The following ATP2C2 variants were observed in gnomAD, a reference collection of about 807,000 sequenced individuals.
ATP2C2 encodes ATPase secretory pathway Ca2+ transporting 2, also known as calcium-transporting ATPase type 2C member 2.
In ATP2C2, 171 loss-of-function variants were observed where a neutral mutation model predicts 110.8. The observed-to-expected ratio is 1.54, with a 90% CI of 1.36 to 1.75. ATP2C2 has a LOEUF of 1.75. ATP2C2 is among the 40% of genes most tolerant of loss of function. The pLI is 0.00. For missense variants in ATP2C2, 1,963 were observed against 1,235.0 expected (o/e 1.59, Z -8.84); for synonymous variants, 804 against 508.4 (o/e 1.58, Z -7.82).
intron 23 of ATP2C2, chr16:84,460,175 G>T (rs1047686405): frequency 4.9e-6 from 1 of 205,746 alleles, no homozygotes; most frequent in East Asian, 1.3e-4. Flanking sequence ...CAGGAAGCTG[G>T]CCTCAGCTGT....
chr16:84,389,987 T>A (rs578240653), intron 1 of ATP2C2, among the ~76,000 whole-genome samples: 6 of 152,120 alleles, frequency 3.9e-5, no homozygotes, highest in Non-Finnish European at 2.9e-5. Flanking sequence ...TCTCCCAAAG[T>A]GCTGGGATTA....
At chr16:84,385,548 A>G (rs1052873559) in intron 1 of ATP2C2, among the ~76,000 whole-genome samples, 61 of 152,200 alleles carry the variant, frequency 4.0e-4, no homozygotes, top group African/African-American at 1.5e-3. Context: ...TGATATCAGT[A>G]GGAATGCAAG....
chr16:84,425,700 A>T lies in ATP2C2; in HGVS notation c.920-35A>T. On this transcript the variant is annotated intron_variant, in intron 10 of 26. Coordinates refer to ENST00000262429, the MANE Select transcript of ATP2C2 (RefSeq NM_014861.4). ...CTCCAGGCATCAGCGTGTGTAGTGCATATGGAGATAAGGATGTTTTTGTCT... is the reference window on the plus strand; with the variant it reads ...CTCCAGGCATCAGCGTGTGTAGTGCTTATGGAGATAAGGATGTTTTTGTCT... 4.4e-6 allele frequency: 7 copies of T among 1,605,348 alleles called. No homozygotes were observed. In the Admixed American group the frequency reaches 5.0e-5, roughly 11 times the overall value.
At chr16:84,378,398 T>C (rs1309780093) in intron 1 of ATP2C2, among the ~76,000 whole-genome samples, 3 of 152,068 alleles carry the variant, frequency 2.0e-5, no homozygotes, top group South Asian at 2.1e-4. Flanking sequence ...AGTGGAGGTG[T>C]TGGGTGCAAG....
chr16:84,442,850 C>T (rs1431178078), intron 15 of ATP2C2, among the ~76,000 whole-genome samples: 1 of 152,170 alleles, frequency 6.6e-6, no homozygotes, highest in East Asian at 1.9e-4. Context: ...CTATGAGCTT[C>T]CCTGTGGTTC....
chr16:84,440,807 A>T, intron 13 of ATP2C2, 50 bp from the exon 14 acceptor site: 1 of 1,422,150 alleles, frequency 7.0e-7, no homozygotes, highest in Non-Finnish European at 9.8e-7. Flanking sequence ...CAACTGGGGG[A>T]GCATGTTTTT....
At chr16:84,377,087 C>T (rs900955405) in intron 1 of ATP2C2, among the ~76,000 whole-genome samples, 5 of 152,068 alleles carry the variant, frequency 3.3e-5, no homozygotes, top group African/African-American at 7.2e-5. Context: ...TAGTGGAAGT[C>T]GTGTGCTAAG....
Position 84,439,578 on chromosome 16 carries a change from C to G in ATP2C2, c.1209+54C>G. ...AAGGATGCACCCAGCCAGGCTGTCT[C>G]CTTTCTAAACTAAGCACACAATGTC... On this transcript the variant is annotated intron_variant, in intron 13 of 26. Coordinates refer to ENST00000262429, the MANE Select transcript of ATP2C2 (RefSeq NM_014861.4). The G allele has an allele frequency of 2.6e-6, 4 of 1,514,736 alleles. No individual in the cohort carries two copies. In the Admixed American group the frequency reaches 6.7e-5, roughly 25 times the overall value. 93.8% of individuals were successfully genotyped at this position (1,514,736 alleles called of 1,614,324 possible). A position where few individuals can be genotyped will look rare whatever the true frequency, so the allele number is the denominator to read the frequency against.
intron 10 of ATP2C2, among the ~76,000 whole-genome samples, chr16:84,424,002 C>T (rs1171661288): frequency 6.6e-6 from 1 of 152,224 alleles, no homozygotes. Flanking sequence ...GGCCTTACTT[C>T]TGTGTCCTTT....
intron 23 of ATP2C2, chr16:84,459,805 G>GA: frequency 2.0e-6 from 1 of 511,474 alleles, no homozygotes; most frequent in Non-Finnish European, 3.5e-6. Context: ...ATTGTGATCT[G>GA]TCTCCCCTTT....
intron 1 of ATP2C2, among the ~76,000 whole-genome samples, chr16:84,382,191 C>T (rs563957963): frequency 2.0e-5 from 3 of 152,196 alleles, no homozygotes; most frequent in Non-Finnish European, 4.4e-5. Flanking sequence ...TGTGTCCATG[C>T]GTTCTCATTG....
chr16:84,432,437 C>A, intron 11 of ATP2C2, among the ~76,000 whole-genome samples: 1 of 151,986 alleles, frequency 6.6e-6, no homozygotes. Context: ...CCCCGAACCC[C>A]CCGACAGGCC....
rs569366195 is a variant in ATP2C2, at chr16:84,368,607, C to G, written c.-9C>G. On this transcript the variant is annotated 5_prime_UTR_variant, in exon 1 of 27. Coordinates refer to ENST00000262429, the MANE Select transcript of ATP2C2 (RefSeq NM_014861.4). ...CTAGGGACGCAGGCAACGCCTGCGC[C>G]CGCTCACCATGGTCGAGGGACGCGT... 1.3e-6 allele frequency: 2 copies of G among 1,549,500 alleles called. No homozygotes were observed. Among genetic ancestry groups the G allele is most frequent in the East Asian group, 5.1e-5 (2 of 39,528 alleles).
intron 20 of ATP2C2, among the ~76,000 whole-genome samples, chr16:84,454,056 G>C (rs570802798): frequency 2.0e-5 from 3 of 152,154 alleles, no homozygotes; most frequent in Non-Finnish European, 1.5e-5. Context: ...GGCCAGGCTG[G>C]TCTCAAACTC....
intron 11 of ATP2C2, among the ~76,000 whole-genome samples, chr16:84,436,584 CTCTT>C (rs1277600683): frequency 6.6e-6 from 1 of 152,124 alleles, no homozygotes; most frequent in Non-Finnish European, 1.5e-5. Flanking sequence ...CCTAAATAGT[CTCTT>C]TCTAGAAATT....
At chr16:84,384,040 C>G (rs1040339101) in intron 1 of ATP2C2, among the ~76,000 whole-genome samples, 1 of 152,142 alleles carries the variant, frequency 6.6e-6, no homozygotes, top group Non-Finnish European at 1.5e-5. Flanking sequence ...CCTCCCACCT[C>G]AGCCTCCCAA....
intron 4 of ATP2C2, among the ~76,000 whole-genome samples, chr16:84,409,328 A>C (rs1906064710): frequency 6.6e-6 from 1 of 152,188 alleles, no homozygotes; most frequent in Admixed American, 6.5e-5. Context: ...GAGGGATAGC[A>C]TTAGGAGAAA....
chr16:84,430,510 A>C (rs193698), intron 11 of ATP2C2, among the ~76,000 whole-genome samples: 1 of 151,868 alleles, frequency 6.6e-6, no homozygotes, highest in South Asian at 2.1e-4. Flanking sequence ...GCGTGGTGGC[A>C]CGTGCCTATA....
At chr16:84,425,609 G>A in intron 10 of ATP2C2, 126 bp from the exon 11 acceptor site, 1 of 1,032,234 alleles carries the variant, frequency 9.7e-7, no homozygotes, top group Non-Finnish European at 1.5e-6. Context: ...GAAAGTGGTT[G>A]AGGTTATCAG....
Sources: allele counts gnomAD v4.1 joint callset (sites outside exome capture counted in the v4.1 genomes callset), GRCh38; gene constraint gnomAD v4.1.1; transcripts MANE v1.5; gene names NCBI Gene and HGNC (gene_info 2026-07-23, HGNC 2026-07-21).